The following ACVR2B variants were observed in gnomAD, a reference collection of about 807,000 sequenced individuals.
ACVR2B encodes activin A receptor type 2B.
ACVR2B carries 18 observed loss-of-function variants against 65.1 expected under a neutral mutation model. The observed-to-expected ratio is 0.28, with a 90% confidence interval of 0.19 to 0.41. The LOEUF is 0.41. Ranked by LOEUF, ACVR2B falls within the 10% of genes least tolerant of loss-of-function variation. The probability of loss-of-function intolerance (pLI) is 1.00; values close to 1 mark genes in which losing one functional copy is unlikely to be tolerated. For synonymous variants in ACVR2B, 298 were observed against 277.7 expected, an observed-to-expected ratio of 1.07 and a Z score of -0.73; for missense variants, 482 against 682.7, an observed-to-expected ratio of 0.71 and a Z score of 3.28.
chr3:38,475,269 A>C (rs1274292778), intron 1 of ACVR2B: 1 of 152,238 alleles, frequency 6.6e-6, no homozygotes, highest in Admixed American at 6.5e-5. Context: ...TGCTTGATGA[A>C]GGGCCTGGCT....
Position 38,454,155 on chromosome 3 carries a change from G to T in ACVR2B, c.-168G>T. ...AGCCCGGCCCCGCCGACCGGCCCTTGGAGCCCGAACGCTGCTCGGGGACGA... is the reference window on the plus strand; with the variant it reads ...AGCCCGGCCCCGCCGACCGGCCCTTTGAGCCCGAACGCTGCTCGGGGACGA... On this transcript the variant is annotated 5_prime_UTR_variant, in exon 1 of 11. Transcript: ENST00000352511. The T allele has an allele frequency of 2.8e-6, 1 of 363,312 alleles. No homozygotes were observed. The highest frequency in any genetic ancestry group is 4.1e-6 in the Non-Finnish European group (1 of 245,520). 22.5% of individuals were successfully genotyped at this position (363,312 alleles called of 1,614,324 possible). A position where few individuals can be genotyped will look rare whatever the true frequency, so the allele number is the denominator to read the frequency against.
intron 5 of ACVR2B, among the ~76,000 whole-genome samples, 157 bp downstream of exon 5, chr3:38,478,675 G>A (rs535842148): frequency 6.6e-6 from 1 of 152,194 alleles, no homozygotes; most frequent in Non-Finnish European, 1.5e-5. Context: ...CACTTGGCTG[G>A]TCTGTAGATT....
chr3:38,468,036 A>T (rs1019337643), intron 1 of ACVR2B, among the ~76,000 whole-genome samples: 3 of 152,064 alleles, frequency 2.0e-5, no homozygotes, highest in Admixed American at 2.0e-4. Context: ...AAACCACCAC[A>T]ACTGGCTAAT....
At position 38,482,543 on chromosome 3, in the gene ACVR2B, C is replaced by G; in HGVS notation, c.1327C>G (p.His443Asp). The G allele has an allele frequency of 1.9e-6, 3 of 1,611,046 alleles. No homozygotes were observed. Among genetic ancestry groups the G allele is most frequent in the Non-Finnish European group, 2.5e-6 (3 of 1,179,624 alleles). Reference protein sequence around the residue: ...HKKMRPTIKDHWLKHPGLAQL... With the variant: ...HKKMRPTIKDDWLKHPGLAQL... ...GAAGATGAGGCCCACCATTAAAGAT[C>G]ACTGGTTGAAACACCCGGTAAGGGG... The change falls in exon 10 of 11, where the codon CAC (histidine) becomes GAC (aspartate). Residue 443 changes from histidine to aspartate, a missense_variant. By Grantham distance (81) the His-to-Asp change is moderately conservative (BLOSUM62 -1). Transcript: ENST00000352511.
rs560638200 is a variant in ACVR2B at position 38,488,495 on chromosome 3, A to G, written c.*5163A>G. ...GGCTCCAAAAGGCCTGCCAACAAAG[A>G]AAAGTCCAAATTATCTAGTGGGACA... On this transcript the variant is annotated 3_prime_UTR_variant, in exon 11 of 11. Transcript: ENST00000352511. 6.6e-5 allele frequency: 10 copies of G among 152,362 alleles called. No individual in the cohort carries two copies. The highest frequency in any genetic ancestry group is 2.4e-4 in the African/African-American group (10 of 41,596). The allele number at this position is 152,362 out of a possible 1,614,324, so 9.4% of individuals were successfully genotyped here. A position where few individuals can be genotyped will look rare whatever the true frequency, so the allele number is the denominator to read the frequency against.
chr3:38,457,401 C>G (rs1422370700), intron 1 of ACVR2B, among the ~76,000 whole-genome samples: 1 of 152,184 alleles, frequency 6.6e-6, no homozygotes, highest in East Asian at 1.9e-4. Context: ...CCATATTAGA[C>G]AATGGAATCT....
At chr3:38,456,395 T>C (rs1195152518) in intron 1 of ACVR2B, among the ~76,000 whole-genome samples, 1 of 152,220 alleles carries the variant, frequency 6.6e-6, no homozygotes, top group South Asian at 2.1e-4. Flanking sequence ...ACACAATGCC[T>C]GCTAGAAGGA....
intron 1 of ACVR2B, among the ~76,000 whole-genome samples, chr3:38,468,127 G>A (rs961179): frequency 0.49 from 73,756 of 152,028 alleles, 19,990 homozygotes; most frequent in Non-Finnish European, 0.61. Flanking sequence ...CAGTCTGCCC[G>A]TGTCAGCCTC....
chr3:38,482,645 G>A lies in ACVR2B; in HGVS notation c.1344+85G>A, dbSNP rs1710038558. The A allele has an allele frequency of 2.6e-6, 4 of 1,552,282 alleles. No individual in the cohort carries two copies. In the South Asian group the frequency reaches 3.5e-5, roughly 14 times the overall value. Reference sequence around the variant, plus strand: ...GTAGCAGGTAAGCTGAAATCAAGGGGGAATGGGCAAATAGAAAGTCTGCGA... The same window carrying A: ...GTAGCAGGTAAGCTGAAATCAAGGGAGAATGGGCAAATAGAAAGTCTGCGA... On this transcript the variant is annotated intron_variant, in intron 10 of 10. Transcript: ENST00000352511.
rs1710072238 is a variant in ACVR2B, at chr3:38,484,101, GAGCATTAAC to G, written c.*774_*782del. 6.5e-6 allele frequency: 1 copy of G among 152,696 alleles called. No homozygotes were observed. Among genetic ancestry groups the G allele is most frequent in the Non-Finnish European group, 1.5e-5 (1 of 68,096 alleles). 9.5% of individuals were successfully genotyped at this position (152,696 alleles called of 1,614,324 possible). On this transcript the variant is annotated 3_prime_UTR_variant, in exon 11 of 11. Transcript: ENST00000352511. ...TGAGGGGAAGGACCTTGTGGAGGCC[GAGCATTAAC>G]AGCAAGAGCGGGGTTTGGAGAAAGT... is the stretch of plus-strand genomic sequence containing the variant.
In ACVR2B at chr3:38,489,261, C is replaced by T. The variant is rs1710172994; in HGVS notation, c.*5929C>T. 6.6e-6 allele frequency: 1 copy of T among 152,622 alleles called. No homozygotes were observed. Among genetic ancestry groups the T allele is most frequent in the Non-Finnish European group, 1.5e-5 (1 of 68,036 alleles). The allele number at this position is 152,622 out of a possible 1,614,324, so 9.5% of individuals were successfully genotyped here. A position where few individuals can be genotyped will look rare whatever the true frequency, so the allele number is the denominator to read the frequency against. ...TACTTTAAAAAAATCGATAGTTCTA[C>T]ATATATATTTAGTTATATCACTTGA... On this transcript the variant is annotated 3_prime_UTR_variant, in exon 11 of 11. Transcript: ENST00000352511.
At chr3:38,464,972 C>T (rs1038317862) in intron 1 of ACVR2B, among the ~76,000 whole-genome samples, 6 of 152,092 alleles carry the variant, frequency 3.9e-5, no homozygotes, top group African/African-American at 1.4e-4. Flanking sequence ...CATCCTAGGC[C>T]TCGAATTATC....
intron 1 of ACVR2B, among the ~76,000 whole-genome samples, chr3:38,458,966 A>C (rs1313848659): frequency 6.6e-6 from 1 of 152,138 alleles, no homozygotes; most frequent in Non-Finnish European, 1.5e-5. Context: ...TCTACCCACA[A>C]ATTCCAGTAG....
chr3:38,454,423 G>A, intron 1 of ACVR2B, 49 bp downstream of exon 1: 1 of 1,228,616 alleles, frequency 8.1e-7, no homozygotes. Context: ...CGCGGGGCTG[G>A]CCTCTGGCGC....
chr3:38,455,876 T>TA (rs976655338), intron 1 of ACVR2B, among the ~76,000 whole-genome samples: 4 of 152,080 alleles, frequency 2.6e-5, no homozygotes, highest in African/African-American at 7.2e-5. Flanking sequence ...GCTGACTTGA[T>TA]AGGCAGACCG....
Position 38,491,738 on chromosome 3 carries a change from T to C in ACVR2B, c.*8406T>C, listed in dbSNP as rs1483817030. 1 of 152,238 alleles carries C rather than the reference T, an allele frequency of 6.6e-6. No homozygotes were observed. Among genetic ancestry groups the C allele is most frequent in the African/African-American group, 2.4e-5 (1 of 41,450 alleles). The allele number at this position is 152,238 out of a possible 1,614,324, so 9.4% of individuals were successfully genotyped here. On this transcript the variant is annotated 3_prime_UTR_variant, in exon 11 of 11. Transcript: ENST00000352511. ...TTAAGACTGCCAGTGAGGGAAGGAA[T>C]TGTTAAAATGCCAGCGGCTTTTTTT...
intron 1 of ACVR2B, among the ~76,000 whole-genome samples, chr3:38,454,976 G>C (rs1389651909): frequency 3.3e-5 from 5 of 152,004 alleles, no homozygotes; most frequent in Admixed American, 6.5e-5. Context: ...TGGTCGCTTC[G>C]CGGGACCGCT....
Position 38,477,930 on chromosome 3 carries a change from C to G in ACVR2B, c.330C>G (p.Asn110Lys). 1.2e-6 allele frequency: 2 copies of G among 1,614,114 alleles called. No homozygotes were observed. Among genetic ancestry groups the G allele is most frequent in the Non-Finnish European group, 1.7e-6 (2 of 1,180,014 alleles). The part of the protein sequence containing the change: ...YFCCCEGNFC[N>K]ERFTHLPEAG... ...GCTGCTGTGAAGGCAACTTCTGCAA[C>G]GAACGCTTCACTCATTTGCCAGAGG... The change falls in exon 3 of 11, where the codon AAC becomes AAG. Residue 110 changes from asparagine (N) to lysine (K), a missense_variant. Physicochemically the swap from Asn to Lys is moderately conservative, Grantham distance 94 (BLOSUM62 0). Around this residue, in one of 5 missense-constraint regions of ACVR2B, gnomAD observed 85 missense variants for 137.3 expected, o/e 0.62. Transcript: ENST00000352511. The surrounding 1 kb of genome is among the most constrained non-coding windows in gnomAD (Gnocchi z 6.7).
chr3:38,462,242 C>CT (rs1253934189), intron 1 of ACVR2B, among the ~76,000 whole-genome samples: 4 of 151,950 alleles, frequency 2.6e-5, no homozygotes, highest in African/African-American at 7.3e-5. Context: ...AATAAATAGG[C>CT]TTTTTTCCAC....
Sources: allele counts gnomAD v4.1 joint callset (sites outside exome capture counted in the v4.1 genomes callset), GRCh38; gene constraint gnomAD v4.1.1; regional missense constraint gnomAD v4.1.1; non-coding constraint Gnocchi (gnomAD v3.1); transcripts MANE v1.5; gene names NCBI Gene and HGNC (gene_info 2026-07-23, HGNC 2026-07-21).